The following GLRX3 variants were observed in gnomAD, a reference collection of about 807,000 sequenced individuals.
The protein encoded by GLRX3 is glutaredoxin 3.
A neutral mutation model predicts 49.5 loss-of-function variants in GLRX3; 22 were observed. That is an observed-to-expected ratio of 0.44 (90% CI 0.32 to 0.63). GLRX3 has a LOEUF of 0.63. Ranked by LOEUF, GLRX3 falls within the 30% of genes least tolerant of loss-of-function variation. The pLI is 0.05. For synonymous variants in GLRX3, 133 were observed against 140.0 expected, an observed-to-expected ratio of 0.95 and a Z score of 0.35; for missense variants, 385 against 396.3, an observed-to-expected ratio of 0.97 and a Z score of 0.24.
chr10:130,142,114 C>G (rs1590056237), intron 1 of GLRX3, among the ~76,000 whole-genome samples: 1 of 152,178 alleles, frequency 6.6e-6, no homozygotes, highest in African/African-American at 2.4e-5. Context: ...CATCCGGTGA[C>G]TAGGGGCTCC....
chr10:130,169,755 T>C (rs1390441527), intron 7 of GLRX3, among the ~76,000 whole-genome samples: 1 of 152,270 alleles, frequency 6.6e-6, no homozygotes, highest in African/African-American at 2.4e-5. Flanking sequence ...AACACTTTAC[T>C]GGTTGTATGA....
chr10:130,164,315 A>C (rs1226703661), intron 4 of GLRX3, among the ~76,000 whole-genome samples: 1 of 152,200 alleles, frequency 6.6e-6, no homozygotes, highest in African/African-American at 2.4e-5. Context: ...CAGAATCTTA[A>C]ATCCTTGAGC....
At chr10:130,144,491 A>C (rs190329097) in intron 1 of GLRX3, among the ~76,000 whole-genome samples, 1 of 148,172 alleles carries the variant, frequency 6.7e-6, no homozygotes, top group Non-Finnish European at 1.5e-5. Context: ...CTGGTATGTG[A>C]TGTTCCCCTC....
intron 6 of GLRX3, 85 bp downstream of exon 6, chr10:130,167,065 C>G (rs1288004059): frequency 1.4e-5 from 9 of 661,282 alleles, no homozygotes; most frequent in Non-Finnish European, 1.8e-5. Flanking sequence ...ATTGCTCTTT[C>G]TGTGTAGAAA....
intron 2 of GLRX3, among the ~76,000 whole-genome samples, chr10:130,156,145 C>T (rs1250847329): frequency 3.3e-5 from 5 of 152,204 alleles, no homozygotes; most frequent in Non-Finnish European, 7.3e-5. Flanking sequence ...AGATTTATTG[C>T]TCACAGTTCT....
intron 1 of GLRX3, among the ~76,000 whole-genome samples, chr10:130,139,248 T>TA (rs1418290748): frequency 6.6e-6 from 1 of 152,160 alleles, no homozygotes; most frequent in Non-Finnish European, 1.5e-5. Flanking sequence ...AATGTGCACT[T>TA]TCCTTAGTGA....
chr10:130,137,180 C>G (rs1862073612), intron 1 of GLRX3, among the ~76,000 whole-genome samples: 1 of 152,186 alleles, frequency 6.6e-6, no homozygotes, highest in Admixed American at 6.5e-5. Flanking sequence ...GTTCCATGAA[C>G]TGGTGTAGTG....
At chr10:130,148,049 A>G (rs1448595964) in intron 2 of GLRX3, among the ~76,000 whole-genome samples, 1 of 152,168 alleles carries the variant, frequency 6.6e-6, no homozygotes, top group East Asian at 1.9e-4. Context: ...GTTCATTTTA[A>G]AACAGCTTTC....
chr10:130,170,509 G>A (rs1221313757), intron 7 of GLRX3, among the ~76,000 whole-genome samples: 5 of 152,118 alleles, frequency 3.3e-5, no homozygotes, highest in African/African-American at 1.2e-4. Context: ...ATAAATTTCA[G>A]CATGTTGGAA....
At chr10:130,169,228 C>T (rs1862754971) in intron 6 of GLRX3, among the ~76,000 whole-genome samples, 1 of 152,060 alleles carries the variant, frequency 6.6e-6, no homozygotes, top group African/African-American at 2.4e-5. Context: ...ACATTCGTTG[C>T]CTTAAAAGCC....
intron 4 of GLRX3, among the ~76,000 whole-genome samples, chr10:130,164,827 T>G (rs939497248): frequency 1.3e-5 from 2 of 152,214 alleles, no homozygotes; most frequent in African/African-American, 4.8e-5. Context: ...ACAGTAAAAA[T>G]GAGTTAATAT....
At chr10:130,142,072 G>A (rs1862186089) in intron 1 of GLRX3, among the ~76,000 whole-genome samples, 1 of 152,174 alleles carries the variant, frequency 6.6e-6, no homozygotes, top group African/African-American at 2.4e-5. Context: ...CTCAACCATT[G>A]AAGCTGCTGA....
At chr10:130,146,539 T>C (rs1054247639) in intron 2 of GLRX3, among the ~76,000 whole-genome samples, 1 of 152,214 alleles carries the variant, frequency 6.6e-6, no homozygotes, top group East Asian at 1.9e-4. Flanking sequence ...ATTAACTCAA[T>C]TGGTTTAGCA....
chr10:130,145,773 C>T (rs1366630701), intron 2 of GLRX3, among the ~76,000 whole-genome samples: 1 of 151,928 alleles, frequency 6.6e-6, no homozygotes, highest in Non-Finnish European at 1.5e-5. Context: ...TATTTTTGCA[C>T]ATCATTCTTA....
intron 2 of GLRX3, among the ~76,000 whole-genome samples, chr10:130,157,548 A>G: frequency 9.5e-6 from 1 of 105,310 alleles, no homozygotes; most frequent in East Asian, 3.2e-4. Flanking sequence ...GATCTTCCTT[A>G]CTCAGTCTAC....
chr10:130,175,344 C>A (rs1023535910), intron 10 of GLRX3, among the ~76,000 whole-genome samples: 2 of 152,132 alleles, frequency 1.3e-5, no homozygotes, highest in African/African-American at 4.8e-5. Flanking sequence ...GGTGATCTTC[C>A]CTGTCACTCA....
At chr10:130,174,528 ACAGTTGCAGCAGAGAGCAGAACTGAG>A (rs1339354520) in intron 8 of GLRX3, among the ~76,000 whole-genome samples, 49 of 152,360 alleles carry the variant, frequency 3.2e-4, no homozygotes, top group African/African-American at 1.0e-3. Context: ...TTTTATGCTG[ACAGTTGCAGCAGAGAGCAGAACTGAG>A]CAGTTGCAGC....
At chr10:130,146,782 A>G (rs998995968) in intron 2 of GLRX3, among the ~76,000 whole-genome samples, 2 of 152,264 alleles carry the variant, frequency 1.3e-5, no homozygotes, top group African/African-American at 2.4e-5. Context: ...TAAAAATAAC[A>G]TCAACTGTAT....
In GLRX3 at chr10:130,175,033, A is replaced by G. The variant is rs374313139; in HGVS notation, c.901A>G (p.Thr301Ala). 9 of 1,609,740 alleles carry G rather than the reference A, an allele frequency of 5.6e-6. No individual in the cohort carries two copies. Among genetic ancestry groups the G allele is most frequent in the African/African-American group, 1.3e-5 (1 of 74,954 alleles). The change falls in exon 10 of 11, where the codon ACA becomes GCA. Residue 301 changes from threonine (T) to alanine (A), a missense_variant. By Grantham distance (58) the Thr-to-Ala change is moderately conservative (BLOSUM62 0). Coordinates refer to ENST00000331244, the MANE Select transcript of GLRX3 (RefSeq NM_006541.5). Reference protein sequence around the residue: ...QGLKAYSNWPTYPQLYVKGEL... With the variant: ...QGLKAYSNWPAYPQLYVKGEL... ...ATTAAAAGCTTACTCAAATTGGCCA[A>G]CATACCCTCAGCTGTATGTGAAAGG...
Sources: gnomAD v4.1 joint callset for allele counts (sites outside exome capture counted in the v4.1 genomes callset) on GRCh38, gnomAD v4.1.1 for gene constraint, MANE v1.5 for transcripts, NCBI Gene and HGNC (gene_info 2026-07-23, HGNC 2026-07-21) for gene names.